Variants in LRBA observed in about 807,000 individuals in gnomAD.
LRBA encodes lipopolysaccharide-responsive and beige-like anchor protein.
LRBA carries 176 observed loss-of-function variants against 330.0 expected under a neutral mutation model. The observed-to-expected ratio is 0.53, with a 90% CI of 0.47 to 0.60. The LOEUF (loss-of-function observed/expected upper bound fraction) is 0.60. LRBA is among the 20% of genes least tolerant of loss of function. The pLI is 0.00. For synonymous variants in LRBA, 1,230 were observed against 1,193.0 expected (o/e 1.03, Z -0.64); for missense variants, 3,259 against 3,444.8 (o/e 0.95, Z 1.35).
intron 2 of LRBA, among the ~76,000 whole-genome samples, chr4:150,964,303 C>T (rs938562277): frequency 6.7e-6 from 1 of 149,260 alleles, no homozygotes; most frequent in Non-Finnish European, 1.5e-5. Flanking sequence ...TCTGCCCGGC[C>T]GCCACCCCGT....
chr4:150,718,469 A>T (rs2127069175), intron 36 of LRBA, among the ~76,000 whole-genome samples: 1 of 152,262 alleles, frequency 6.6e-6, no homozygotes, highest in East Asian at 1.9e-4. Flanking sequence ...GTCTCAAAAA[A>T]AAAATGCCTC....
intron 2 of LRBA, among the ~76,000 whole-genome samples, chr4:150,941,690 C>T (rs1472874623): frequency 1.3e-5 from 2 of 152,110 alleles, no homozygotes; most frequent in Non-Finnish European, 2.9e-5. Flanking sequence ...AGTTCAAGAC[C>T]AGCCTGGCCA....
chr4:150,486,844 A>G (rs986962248), intron 42 of LRBA, among the ~76,000 whole-genome samples: 2 of 151,700 alleles, frequency 1.3e-5, no homozygotes, highest in Non-Finnish European at 2.9e-5. Flanking sequence ...CTCTACTTCT[A>G]TGAGTCTAAC....
At chr4:150,786,361 A>G (rs1164191579) in intron 34 of LRBA, among the ~76,000 whole-genome samples, 1 of 150,030 alleles carries the variant, frequency 6.7e-6, no homozygotes, top group Non-Finnish European at 1.5e-5. Flanking sequence ...CTCCTGCCTC[A>G]GCCTCCCGAG....
intron 53 of LRBA, among the ~76,000 whole-genome samples, chr4:150,294,710 G>C (rs978374079): frequency 6.6e-6 from 1 of 152,210 alleles, no homozygotes; most frequent in African/African-American, 2.4e-5. Context: ...CCAGCACTTT[G>C]GGAGGCCAAG....
intron 37 of LRBA, among the ~76,000 whole-genome samples, chr4:150,650,928 G>T (rs1399633956): frequency 2.0e-5 from 3 of 152,106 alleles, no homozygotes; most frequent in Non-Finnish European, 4.4e-5. Flanking sequence ...GACTAAATGG[G>T]ATTAACTAAT....
intron 13 of LRBA, 70 bp from the exon 14 acceptor site, chr4:150,900,287 G>A (rs1484351486): frequency 4.2e-6 from 5 of 1,179,902 alleles, no homozygotes; most frequent in Non-Finnish European, 6.0e-6. Flanking sequence ...ACACTTCCAG[G>A]CTGTTTTATT....
Position 150,435,723 on chromosome 4 carries a change from T to A in LRBA, c.6922-15A>T. 1.3e-6 allele frequency: 2 copies of A among 1,588,116 alleles called. No homozygotes were observed. Among genetic ancestry groups the A allele is most frequent in the Admixed American group, 1.9e-5 (1 of 53,376 alleles). The stretch of plus-strand genomic sequence containing the variant: ...GTAAAGGGTTCCTAAAAAATAGCAA[T>A]TAAAAAAATCCATATGTTCCCTCAG... On this transcript the variant is annotated splice_polypyrimidine_tract_variant and intron_variant, in intron 45 of 56. Transcript: ENST00000651943.
chr4:150,928,486 A>G (rs778538148), intron 4 of LRBA, 30 bp downstream of exon 4: 49 of 1,418,370 alleles, frequency 3.5e-5, no homozygotes, highest in Non-Finnish European at 4.4e-5. Context: ...GCATACTTTA[A>G]AATACCAAAG....
chr4:150,502,068 G>A (rs747957847), intron 40 of LRBA, among the ~76,000 whole-genome samples: 1 of 152,204 alleles, frequency 6.6e-6, no homozygotes, highest in Non-Finnish European at 1.5e-5. Flanking sequence ...AGATCAGAGA[G>A]AGCTGCAAAG....
intron 2 of LRBA, among the ~76,000 whole-genome samples, chr4:150,951,245 C>T (rs1463706062): frequency 6.6e-6 from 1 of 151,310 alleles, no homozygotes; most frequent in Non-Finnish European, 1.5e-5. Context: ...GGATTAATTC[C>T]AAAAAAAGAA....
chr4:150,471,352 C>T (rs1290874090), intron 43 of LRBA, among the ~76,000 whole-genome samples: 2 of 152,136 alleles, frequency 1.3e-5, no homozygotes, highest in African/African-American at 4.8e-5. Flanking sequence ...TAATTTCCCT[C>T]TCTCCCTGTC....
intron 43 of LRBA, among the ~76,000 whole-genome samples, chr4:150,469,634 A>G (rs1755847039): frequency 1.3e-5 from 2 of 152,264 alleles, no homozygotes; most frequent in Admixed American, 6.5e-5. Flanking sequence ...CCTTTTCCTC[A>G]GCTGACTGTG....
At chr4:150,439,350 C>T (rs146452458) in intron 44 of LRBA, among the ~76,000 whole-genome samples, 116 of 152,080 alleles carry the variant, frequency 7.6e-4, no homozygotes, top group Non-Finnish European at 9.6e-4. Context: ...AAAAAAATGG[C>T]ATCTTGCAGA....
intron 2 of LRBA, among the ~76,000 whole-genome samples, chr4:150,966,757 C>T (rs767968128): frequency 6.9e-4 from 105 of 152,110 alleles, no homozygotes; most frequent in Non-Finnish European, 1.0e-3. Context: ...ACAGATTTTT[C>T]CCAAACAAGA....
At chr4:150,436,184 T>C (rs1751084010) in intron 45 of LRBA, among the ~76,000 whole-genome samples, 1 of 152,204 alleles carries the variant, frequency 6.6e-6, no homozygotes, top group South Asian at 2.1e-4. Flanking sequence ...ATAAATTACT[T>C]CTAGGATTTA....
At chr4:150,957,264 G>T (rs1019355801) in intron 2 of LRBA, among the ~76,000 whole-genome samples, 1 of 148,556 alleles carries the variant, frequency 6.7e-6, no homozygotes, top group South Asian at 2.1e-4. Context: ...ACTCCCCAGT[G>T]GAACTGGGGA....
chr4:151,007,194 A>T (rs1256307220), intron 2 of LRBA, among the ~76,000 whole-genome samples: 1 of 152,244 alleles, frequency 6.6e-6, no homozygotes, highest in Non-Finnish European at 1.5e-5. Flanking sequence ...ATGGGAAAAG[A>T]ATAGCCTTTC....
chr4:150,488,059 A>C (rs566390991), intron 41 of LRBA, among the ~76,000 whole-genome samples: 2 of 151,718 alleles, frequency 1.3e-5, no homozygotes, highest in Non-Finnish European at 3.0e-5. Context: ...TTTCCTAAAT[A>C]CTATTAGGTG....
Sources: allele counts gnomAD v4.1 joint callset (sites outside exome capture counted in the v4.1 genomes callset), GRCh38; gene constraint gnomAD v4.1.1; transcripts MANE v1.5; gene names NCBI Gene and HGNC (gene_info 2026-07-23, HGNC 2026-07-21).